The following OCA2 variants were observed in gnomAD, a reference collection of about 807,000 sequenced individuals.
OCA2 encodes OCA2 melanosomal transmembrane protein, also known as P protein.
Under a neutral mutation model 100.2 loss-of-function variants are expected in OCA2, and 77 were observed. That is an observed-to-expected ratio of 0.77 (90% CI 0.64 to 0.93). The LOEUF (loss-of-function observed/expected upper bound fraction) is 0.93. Among genes scored for constraint, OCA2 ranks in the 40% least tolerant of loss-of-function variants. OCA2 has a pLI of 0.00. For synonymous variants in OCA2, 432 were observed against 439.2 expected (o/e 0.98, Z 0.21); for missense variants, 1,062 against 1,089.1 (o/e 0.98, Z 0.35).
At chr15:27,921,378 A>G (rs557981776) in intron 19 of OCA2, among the ~76,000 whole-genome samples, 1 of 146,166 alleles carries the variant, frequency 6.8e-6, no homozygotes, top group Non-Finnish European at 1.6e-5. Context: ...AAAAGACAAA[A>G]TAAAGGCATT....
At chr15:28,020,305 C>T (rs2042553249) in intron 6 of OCA2, among the ~76,000 whole-genome samples, 1 of 152,182 alleles carries the variant, frequency 6.6e-6, no homozygotes, top group African/African-American at 2.4e-5. Flanking sequence ...AGGGCTGAGG[C>T]TATCATCTCA....
chr15:27,834,716 A>AT (rs2035082334), intron 23 of OCA2, among the ~76,000 whole-genome samples: 1 of 152,170 alleles, frequency 6.6e-6, no homozygotes, highest in Non-Finnish European at 1.5e-5. Flanking sequence ...TGGAGTAAGG[A>AT]GTAGAAAAAG....
At chr15:27,775,505 A>G (rs2032157931) in intron 23 of OCA2, 1 of 152,484 alleles carries the variant, frequency 6.6e-6, no homozygotes, top group African/African-American at 2.4e-5. Context: ...TTGGAGACCC[A>G]TCACTCAGGA....
At chr15:27,922,250 T>A (rs2038884226) in intron 19 of OCA2, among the ~76,000 whole-genome samples, 1 of 152,236 alleles carries the variant, frequency 6.6e-6, no homozygotes, top group Admixed American at 6.5e-5. Context: ...ATGGGTCCCA[T>A]GTGTCATCCA....
chr15:27,830,646 ATG>A (rs1314844439), intron 23 of OCA2, among the ~76,000 whole-genome samples: 2 of 152,170 alleles, frequency 1.3e-5, no homozygotes, highest in African/African-American at 4.8e-5. Flanking sequence ...ATGTGTGTGT[ATG>A]TGTGTGCGAC....
At chr15:27,780,762 G>A (rs1255615220) in intron 23 of OCA2, among the ~76,000 whole-genome samples, 1 of 152,176 alleles carries the variant, frequency 6.6e-6, no homozygotes, top group Admixed American at 6.5e-5. Context: ...CCAGTGTTCT[G>A]AGGCGATATC....
chr15:27,734,421 A>G, the OCA2 span, among the ~76,000 whole-genome samples: 135,037 of 152,032 alleles, frequency 0.89, 60,150 homozygotes, highest in African/African-American at 0.93. Flanking sequence ...CTCAATCAGC[A>G]CAGGATGGAG....
intron 23 of OCA2, among the ~76,000 whole-genome samples, chr15:27,837,415 T>C (rs2035194057): frequency 6.6e-6 from 1 of 152,126 alleles, no homozygotes; most frequent in Non-Finnish European, 1.5e-5. Context: ...CAGCCTGCCT[T>C]TCGACATAAC....
At position 28,050,382 on chromosome 15, in the gene OCA2, C is replaced by A. The variant is rs2043472692; in HGVS notation, c.228-18219G>T. On this transcript the variant is annotated intron_variant, in intron 2 of 23. Transcript: ENST00000354638. Reference sequence around the variant, plus strand: ...GACCAGCCTGGCCAACATGGTGAAACCCCGTCTCTACTAAAAACGCAAAAA... The same window carrying A: ...GACCAGCCTGGCCAACATGGTGAAAACCCGTCTCTACTAAAAACGCAAAAA... Among the ~76,000 whole-genome samples, 5 of 152,216 alleles carry A rather than the reference C, an allele frequency of 3.3e-5. No individual in the cohort carries two copies. The South Asian group carries it at 1.0e-3, about 32-fold the overall frequency.
intron 9 of OCA2, among the ~76,000 whole-genome samples, chr15:28,002,476 C>T (rs2041957683): frequency 6.6e-6 from 1 of 152,176 alleles, no homozygotes; most frequent in South Asian, 2.1e-4. Flanking sequence ...CACTCGGAGG[C>T]TGTGGCCACT....
intron 2 of OCA2, among the ~76,000 whole-genome samples, chr15:28,034,260 C>G (rs886083465): frequency 6.6e-6 from 1 of 152,110 alleles, no homozygotes; most frequent in Non-Finnish European, 1.5e-5. Flanking sequence ...TCACTGCACT[C>G]CAGCCTGGAG....
At chr15:28,011,310 T>C (rs929731217) in intron 9 of OCA2, among the ~76,000 whole-genome samples, 1 of 151,772 alleles carries the variant, frequency 6.6e-6, no homozygotes, top group Non-Finnish European at 1.5e-5. Context: ...ACAAAAAAAA[T>C]TTTAAAACTT....
intron 18 of OCA2, among the ~76,000 whole-genome samples, chr15:27,950,956 GC>G (rs2040005691): frequency 6.6e-6 from 1 of 152,194 alleles, no homozygotes; most frequent in Non-Finnish European, 1.5e-5. Context: ...TATGGGTAAA[GC>G]TTTGGTAAAA....
intron 20 of OCA2, 116 bp from the exon 21 acceptor site, chr15:27,871,374 G>C (rs776706503): frequency 9.2e-6 from 7 of 763,096 alleles, no homozygotes; most frequent in Non-Finnish European, 1.6e-5. Flanking sequence ...TACCCATCAC[G>C]AGACCAAGGC....
At chr15:27,981,803 A>G (rs12903382) in intron 14 of OCA2, among the ~76,000 whole-genome samples, 77,537 of 152,026 alleles carry the variant, frequency 0.51, 24,315 homozygotes, top group Non-Finnish European at 0.72. Context: ...TCTGTGGTTC[A>G]GCTGTGTCCT....
chr15:27,771,482 C>CT (rs2031858823), intron 23 of OCA2, among the ~76,000 whole-genome samples: 1 of 152,022 alleles, frequency 6.6e-6, no homozygotes, highest in Non-Finnish European at 1.5e-5. Context: ...CAGCGCCCAG[C>CT]TGGGGGGTGC....
chr15:28,087,788 C>T (rs1338086624), intron 1 of OCA2, among the ~76,000 whole-genome samples: 3 of 151,984 alleles, frequency 2.0e-5, no homozygotes, highest in Non-Finnish European at 2.9e-5. Flanking sequence ...AGGCTGGGCA[C>T]GGTGGCTCAC....
At chr15:27,796,231 A>G (rs1179069106) in intron 23 of OCA2, among the ~76,000 whole-genome samples, 1 of 152,250 alleles carries the variant, frequency 6.6e-6, no homozygotes, top group Non-Finnish European at 1.5e-5. Flanking sequence ...TTTATTTTCA[A>G]CTAAGACATG....
chr15:27,882,269 A>G (rs2037051805), intron 19 of OCA2, among the ~76,000 whole-genome samples: 1 of 152,178 alleles, frequency 6.6e-6, no homozygotes, highest in East Asian at 1.9e-4. Context: ...TAAGTTCTTT[A>G]GATTGGATAA....
Sources: allele counts gnomAD v4.1 joint callset (sites outside exome capture counted in the v4.1 genomes callset), GRCh38; gene constraint gnomAD v4.1.1; transcripts MANE v1.5; gene names NCBI Gene and HGNC (gene_info 2026-07-23, HGNC 2026-07-21).